Variants in CHD4 observed in about 807,000 individuals in gnomAD.
CHD4 encodes ATP-dependent chromatin remodeler CHD4.
CHD4 carries 35 observed loss-of-function variants against 235.5 expected under a neutral mutation model. The observed-to-expected ratio is 0.15, with a 90% CI of 0.11 to 0.20. The LOEUF (loss-of-function observed/expected upper bound fraction) is 0.20. Among genes scored for constraint, CHD4 ranks in the 10% least tolerant of loss-of-function variants. CHD4 has a pLI of 1.00. For synonymous variants in CHD4, 900 were observed against 850.2 expected (o/e 1.06, Z -1.02); for missense variants, 1,329 against 2,432.3 (o/e 0.55, Z 9.54).
chr12:6,587,405 C>T lies in CHD4; in HGVS notation c.3858G>A (p.Val1286=), dbSNP rs1429112642. The T allele has an allele frequency of 1.2e-6, 2 of 1,614,218 alleles. No homozygotes were observed. The highest frequency in any genetic ancestry group is 1.7e-6 in the Non-Finnish European group (2 of 1,180,022). Residue 1286 remains valine, a synonymous_variant, in exon 25 of 40, where the codon GTG becomes GTA. Transcript: ENST00000544040. ...YLSSFKVAQY[V]VREEEMGEEE... ...TCACCCCCATTTCTTCTTCCCGTACCACATACTGGGCCACTTTGAATGAGC... is the reference window on the plus strand; with the variant it reads ...TCACCCCCATTTCTTCTTCCCGTACTACATACTGGGCCACTTTGAATGAGC...
chr12:6,600,411 G>A lies in CHD4; in HGVS notation c.1064-16C>T, dbSNP rs1948568019. 6.2e-7 allele frequency: 1 copy of A among 1,613,100 alleles called. No homozygotes were observed. The highest frequency in any genetic ancestry group is 8.5e-7 in the Non-Finnish European group (1 of 1,179,378). ...TCCTCCTCGCCTGGGCAAGGAAGAG[G>A]GAAAGCCCAGTTATTGGAAAAAAAC... On this transcript the variant is annotated splice_polypyrimidine_tract_variant and intron_variant, in intron 8 of 39. Coordinates refer to ENST00000544040, the MANE Select transcript of CHD4 (RefSeq NM_001273.5).
Position 6,592,015 on chromosome 12 carries a change from G to C in CHD4, c.2991C>G (p.Leu997=). ...KYILTRNFEA[L]NARGGGNQVS... The stretch of plus-strand genomic sequence containing the variant: ...CCTGGTTGCCACCACCTCGGGCATT[G>C]AGTGCTTCAAAATTTCGAGTGAGGA... The change falls in exon 20 of 40, where the codon CTC becomes CTG. Residue 997 remains leucine, a synonymous_variant. Transcript: ENST00000544040. 2 of 1,614,198 alleles carry C rather than the reference G, an allele frequency of 1.2e-6. No homozygotes were observed. The highest frequency in any genetic ancestry group is 2.2e-5 in the South Asian group (2 of 91,082).
At chr12:6,595,151 GAA>G (rs1948465410) in intron 14 of CHD4, among the ~76,000 whole-genome samples, 181 bp downstream of exon 14, 1 of 151,252 alleles carries the variant, frequency 6.6e-6, no homozygotes, top group Admixed American at 6.6e-5. Context: ...GACAAAAGAA[GAA>G]AGTAATCCTA....
Position 6,581,078 on chromosome 12 carries a change from C to A in CHD4, c.4875G>T (p.Glu1625Asp). 6.2e-7 allele frequency: 1 copy of A among 1,614,170 alleles called. No homozygotes were observed. The highest frequency in any genetic ancestry group is 1.1e-5 in the South Asian group (1 of 91,084). The change falls in exon 33 of 40, where the codon GAG becomes GAT. Residue 1625 changes from glutamate to aspartate, a missense_variant. By Grantham distance (45) the Glu-to-Asp change is conservative. Coordinates refer to ENST00000544040, the MANE Select transcript of CHD4 (RefSeq NM_001273.5). Reference protein sequence around the residue: ...EEKVEKAEVKERTEEPMETEP... With the variant: ...EEKVEKAEVKDRTEEPMETEP... ...CTGTCTCCATAGGTTCCTCTGTTCT[C>A]TCCTTCACCTCTGCCTTTTCCACTT...
rs942477755 is a variant in CHD4 at position 6,592,827 on chromosome 12, C to G, written c.2653-10G>C. On this transcript the variant is annotated splice_polypyrimidine_tract_variant and intron_variant, in intron 17 of 39. Transcript: ENST00000544040. ...TCAATACCCGGAAGAACTGGTGAAGCAGATGGAGAAAGGTGAAATCCAATG... is the reference window on the plus strand; with the variant it reads ...TCAATACCCGGAAGAACTGGTGAAGGAGATGGAGAAAGGTGAAATCCAATG... 2 of 1,605,916 alleles carry G rather than the reference C, an allele frequency of 1.2e-6. No individual in the cohort carries two copies. The highest frequency in any genetic ancestry group is 2.7e-5 in the African/African-American group (2 of 74,564).
intron 12 of CHD4, 151 bp from the exon 13 acceptor site, chr12:6,596,288 A>C: frequency 1.2e-6 from 1 of 844,132 alleles, no homozygotes; most frequent in Non-Finnish European, 1.8e-6. Context: ...CCAGTCTCTG[A>C]CCAAAAATTA....
intron 2 of CHD4, among the ~76,000 whole-genome samples, chr12:6,605,189 G>A (rs982177283): frequency 6.6e-6 from 1 of 152,146 alleles, no homozygotes; most frequent in Non-Finnish European, 1.5e-5. Context: ...AGAGAAGGCA[G>A]AAGTGAATGA....
Position 6,606,212 on chromosome 12 carries a change from G to A in CHD4, c.100+62C>T, listed in dbSNP as rs575061804. ...GCAACACAGCCCTGCCTCACCAGAGGAGTCACTCGGGAGAGCCCCAGATGT... is the reference window on the plus strand; with the variant it reads ...GCAACACAGCCCTGCCTCACCAGAGAAGTCACTCGGGAGAGCCCCAGATGT... On this transcript the variant is annotated intron_variant, in intron 2 of 39. Transcript: ENST00000544040. 8.8e-5 allele frequency: 98 copies of A among 1,115,206 alleles called. No homozygotes were observed. In the African/African-American group the frequency reaches 1.2e-3, roughly 14 times the overall value. The allele number at this position is 1,115,206 out of a possible 1,614,324, so 69.1% of individuals were successfully genotyped here.
intron 2 of CHD4, among the ~76,000 whole-genome samples, chr12:6,605,830 A>G (rs1948685819): frequency 6.6e-6 from 1 of 152,204 alleles, no homozygotes; most frequent in Non-Finnish European, 1.5e-5. Context: ...ATAGAGTGTA[A>G]CCAGCACTCC....
rs1948177556 is a variant in CHD4 at position 6,581,024 on chromosome 12, A to AAAC, written c.4909+19_4909+20insGTT. ...GTCTCAAAACAAACAAACAAACAAA[A>AAAC]AAAATGTGGATACCTTTACCTTTGG... On this transcript the variant is annotated intron_variant, in intron 33 of 39. Coordinates refer to ENST00000544040, the MANE Select transcript of CHD4 (RefSeq NM_001273.5). The AAAC allele has an allele frequency of 6.8e-6, 11 of 1,611,146 alleles. No homozygotes were observed. The highest frequency in any genetic ancestry group is 1.3e-5 in the African/African-American group (1 of 74,422).
At chr12:6,587,051 G>C (rs1948310676) in intron 25 of CHD4, 1 of 236,230 alleles carries the variant, frequency 4.2e-6, no homozygotes, top group South Asian at 7.5e-5. Flanking sequence ...AGATTACCTA[G>C]GATCTTCTGC....
intron 24 of CHD4, 73 bp from the exon 25 acceptor site, chr12:6,587,632 G>C (rs1329788895): frequency 2.5e-6 from 4 of 1,605,838 alleles, no homozygotes; most frequent in East Asian, 4.5e-5. Context: ...AGTCCCACAA[G>C]ACCCTTGGTA....
At chr12:6,598,498 T>G (rs1948536718) in intron 10 of CHD4, 73 bp from the exon 11 acceptor site, 1 of 1,249,866 alleles carries the variant, frequency 8.0e-7, no homozygotes, top group Non-Finnish European at 1.1e-6. Context: ...CAGTCTCAAC[T>G]TCATCAAAGG....
Position 6,606,403 on chromosome 12 carries a change from C to T in CHD4, c.-30G>A. 6.6e-7 allele frequency: 1 copy of T among 1,509,012 alleles called. No individual in the cohort carries two copies. Among genetic ancestry groups the T allele is most frequent in the Non-Finnish European group, 9.0e-7 (1 of 1,113,662 alleles). 93.5% of individuals were successfully genotyped at this position (1,509,012 alleles called of 1,614,324 possible). On this transcript the variant is annotated 5_prime_UTR_variant, in exon 2 of 40. Transcript: ENST00000544040. ...TTCCGCTCCCGGCCAGGGAATTGGC[C>T]CAGCTGCTCCTGCCGGCGGCCTGAG... is the stretch of plus-strand genomic sequence containing the variant.
Position 6,599,947 on chromosome 12 carries a change from C to T in CHD4, c.1308G>A (p.Glu436=). The T allele has an allele frequency of 6.2e-7, 1 of 1,614,194 alleles. No homozygotes were observed. The highest frequency in any genetic ancestry group is 8.5e-7 in the Non-Finnish European group (1 of 1,180,036). Residue 436 remains glutamate (E), a synonymous_variant, in exon 10 of 40, where the codon GAG becomes GAA. Transcript: ENST00000544040. ...DNSEGEEILE[E]VGGDLEEEDD... ...CCTCCTCTTCGAGGTCTCCCCCAAC[C>T]TCTTCCAGGATCTCCTCACCCTCCG...
In CHD4 at chr12:6,578,079, A is replaced by G. The variant is rs149961532; in HGVS notation, c.5178T>C (p.Tyr1726=). 2.3e-4 allele frequency: 373 copies of G among 1,613,372 alleles called. 1 individual carries two copies. The African/African-American group carries it at 3.3e-3, about 14-fold the overall frequency. Residue 1726 remains tyrosine (Y), a synonymous_variant, in exon 36 of 40, where the codon TAT becomes TAC. Coordinates refer to ENST00000544040, the MANE Select transcript of CHD4 (RefSeq NM_001273.5). ...AGTCATGCCGTCGATGCCAGATCTC[A>G]TAAGTCTTCTTGGTAACTGTGGCTG... ...ERAATVTKKT[Y]EIWHRRHDYW...
At chr12:6,579,290 A>C in intron 33 of CHD4, 1 of 279,598 alleles carries the variant, frequency 3.6e-6, no homozygotes, top group Non-Finnish European at 7.0e-6. Flanking sequence ...TCTCTACTAA[A>C]AGTACAAAAA....
Position 6,598,582 on chromosome 12 carries a change from G to A in CHD4, c.1483-157C>T, listed in dbSNP as rs140244054. Among the ~76,000 whole-genome samples the A allele has an allele frequency of 3.3e-3, 501 of 152,266 alleles. 2 individuals are homozygous for A. Among genetic ancestry groups the A allele is most frequent in the African/African-American group, 0.011 (444 of 41,536 alleles). ...TCCCAGCACCTTGGGAGGCCGAGGCGGGCAGATCACGAGGTCAAGAGATCG... is the reference window on the plus strand; with the variant it reads ...TCCCAGCACCTTGGGAGGCCGAGGCAGGCAGATCACGAGGTCAAGAGATCG... On this transcript the variant is annotated intron_variant, in intron 10 of 39. Transcript: ENST00000544040.
rs1228342695 is a variant in CHD4 at position 6,600,954 on chromosome 12, C to T, written c.899G>A (p.Gly300Asp). The stretch of plus-strand genomic sequence containing the variant: ...GGATCTCTTACGCTTGGAACCAAAA[C>T]CTCCCAGCTTGATTTTCAGGGGAGC... The part of the protein sequence containing the change: ...KVAPLKIKLG[G>D]FGSKRKRSSS... Residue 300 changes from glycine (G) to aspartate (D), a missense_variant, in exon 7 of 40, where the codon GGT becomes GAT. Gly to Asp is a moderately conservative substitution (Grantham distance 94). Coordinates refer to ENST00000544040, the MANE Select transcript of CHD4 (RefSeq NM_001273.5). 6.2e-7 allele frequency: 1 copy of T among 1,605,642 alleles called. No homozygotes were observed. Among genetic ancestry groups the T allele is most frequent in the Non-Finnish European group, 8.5e-7 (1 of 1,176,898 alleles).
Sources: gnomAD v4.1 joint callset for allele counts (sites outside exome capture counted in the v4.1 genomes callset) on GRCh38, gnomAD v4.1.1 for gene constraint, MANE v1.5 for transcripts, NCBI Gene and HGNC (gene_info 2026-07-23, HGNC 2026-07-21) for gene names.